Variants in ZCCHC7 observed in about 807,000 individuals in gnomAD.
The protein encoded by ZCCHC7 is zinc finger CCHC domain-containing protein 7.
ZCCHC7 carries 35 observed loss-of-function variants against 52.0 expected under a neutral mutation model. That is an observed-to-expected ratio of 0.67 (90% CI 0.51 to 0.89). The LOEUF (loss-of-function observed/expected upper bound fraction) is 0.89. Among genes scored for constraint, ZCCHC7 ranks in the 40% least tolerant of loss-of-function variants. The pLI is 0.00. For missense variants in ZCCHC7, 574 were observed against 649.1 expected, an observed-to-expected ratio of 0.88 and a Z score of 1.26; for synonymous variants, 217 against 221.5, an observed-to-expected ratio of 0.98 and a Z score of 0.18.
At position 37,354,755 on chromosome 9, in the gene ZCCHC7, T is replaced by C. The variant is rs966786851; in HGVS notation, c.1129T>C (p.Phe377Leu). The change falls in exon 8 of 9, where the codon TTC becomes CTC. Residue 377 changes from phenylalanine to leucine, a missense_variant. This residue lies in a region of ZCCHC7 where 403 missense variants were observed against 461.2 expected (regional missense o/e 0.87). Transcript: ENST00000336755. This position sits in a 1 kb window ranked among gnomAD's most constrained non-coding sequence, Gnocchi z 4.0. Reference protein sequence around the residue: ...EVYDPSPVSPFICYYDDKYEI... With the variant: ...EVYDPSPVSPLICYYDDKYEI... Reference sequence around the variant, plus strand: ...GTATGACCCGTCTCCAGTATCTCCATTCATCTGCTACTATGATGACAAATA... The same window carrying C: ...GTATGACCCGTCTCCAGTATCTCCACTCATCTGCTACTATGATGACAAATA... 8 of 1,613,554 alleles carry C rather than the reference T, an allele frequency of 5.0e-6. No homozygotes were observed. The highest frequency in any genetic ancestry group is 6.8e-6 in the Non-Finnish European group (8 of 1,179,560).
chr9:37,322,951 A>G (rs1302277725), intron 5 of ZCCHC7, among the ~76,000 whole-genome samples: 2 of 152,138 alleles, frequency 1.3e-5, no homozygotes, highest in African/African-American at 4.8e-5. Flanking sequence ...TTGTCATAAC[A>G]ATAGTTAATA....
At chr9:37,130,350 T>TTTC (rs1842726549) in intron 2 of ZCCHC7, among the ~76,000 whole-genome samples, 1 of 138,198 alleles carries the variant, frequency 7.2e-6, no homozygotes, top group African/African-American at 2.7e-5. Context: ...TTTTTTTTTT[T>TTTC]TTTTTTTTTT....
chr9:37,160,719 G>C (rs1384777422), intron 2 of ZCCHC7, among the ~76,000 whole-genome samples: 1 of 151,774 alleles, frequency 6.6e-6, no homozygotes. Context: ...AACCCCGTCT[G>C]TACTCAAAAT....
chr9:37,292,180 A>T (rs1427828644), intron 2 of ZCCHC7, among the ~76,000 whole-genome samples: 1 of 152,218 alleles, frequency 6.6e-6, no homozygotes, highest in Non-Finnish European at 1.5e-5. Flanking sequence ...AATGTCTTAT[A>T]AAATTATTTT....
chr9:37,346,218 G>A (rs1377403505), intron 6 of ZCCHC7, among the ~76,000 whole-genome samples: 1 of 152,032 alleles, frequency 6.6e-6, no homozygotes, highest in South Asian at 2.1e-4. Flanking sequence ...GGTCAGGATG[G>A]TCTCAAACTC....
At chr9:37,209,241 C>T (rs1824082624) in intron 2 of ZCCHC7, among the ~76,000 whole-genome samples, 1 of 152,002 alleles carries the variant, frequency 6.6e-6, no homozygotes. Context: ...GGGGTTTCAC[C>T]GTGTTAGCCA....
At chr9:37,186,709 C>T in intron 2 of ZCCHC7, 1 of 579,336 alleles carries the variant, frequency 1.7e-6, no homozygotes, top group Non-Finnish European at 3.2e-6. Context: ...TTTTTCCTTG[C>T]AGGCCAAGAA....
chr9:37,196,529 T>G (rs944202146), intron 2 of ZCCHC7, among the ~76,000 whole-genome samples: 3 of 152,194 alleles, frequency 2.0e-5, no homozygotes, highest in African/African-American at 7.2e-5. Flanking sequence ...TGGGACTTAT[T>G]ATAGTAGAAC....
At chr9:37,149,745 G>A (rs1285784263) in intron 2 of ZCCHC7, among the ~76,000 whole-genome samples, 1 of 152,070 alleles carries the variant, frequency 6.6e-6, no homozygotes, top group East Asian at 1.9e-4. Flanking sequence ...TCATGTGTCA[G>A]CTTGCCTTTA....
At chr9:37,304,356 A>G in intron 4 of ZCCHC7, 43 bp downstream of exon 4, 1 of 1,602,976 alleles carries the variant, frequency 6.2e-7, no homozygotes, top group South Asian at 1.1e-5. Flanking sequence ...TTGTAAACTC[A>G]AAATCTCAAG....
chr9:37,133,738 G>A (rs1336541754), intron 2 of ZCCHC7, among the ~76,000 whole-genome samples: 1 of 152,100 alleles, frequency 6.6e-6, no homozygotes, highest in Non-Finnish European at 1.5e-5. Flanking sequence ...ACAGGCACGA[G>A]CCACCACGCC....
intron 2 of ZCCHC7, among the ~76,000 whole-genome samples, chr9:37,187,370 G>T (rs963252239): frequency 4.6e-5 from 7 of 152,200 alleles, no homozygotes; most frequent in Non-Finnish European, 7.3e-5. Flanking sequence ...CCTCGCATGT[G>T]CAGTTCACAA....
intron 2 of ZCCHC7, among the ~76,000 whole-genome samples, chr9:37,157,322 C>T (rs1263608355): frequency 6.6e-6 from 1 of 151,684 alleles, no homozygotes; most frequent in Non-Finnish European, 1.5e-5. Context: ...CGTAATGAGA[C>T]CCTGTCTCTA....
At chr9:37,273,197 A>G (rs1827510801) in intron 2 of ZCCHC7, among the ~76,000 whole-genome samples, 1 of 152,168 alleles carries the variant, frequency 6.6e-6, no homozygotes, top group African/African-American at 2.4e-5. Context: ...TATTTACTAC[A>G]TGGCCCTTTA....
At chr9:37,330,181 G>A (rs1414963440) in intron 6 of ZCCHC7, among the ~76,000 whole-genome samples, 2 of 151,714 alleles carry the variant, frequency 1.3e-5, no homozygotes, top group Admixed American at 1.3e-4. Flanking sequence ...TAAGAAAGGT[G>A]GTGTAGTTGA....
intron 2 of ZCCHC7, among the ~76,000 whole-genome samples, chr9:37,157,667 A>G (rs756384476): frequency 6.6e-6 from 1 of 152,256 alleles, no homozygotes; most frequent in Admixed American, 6.5e-5. Context: ...AAGGCATACA[A>G]ATAACTAACA....
chr9:37,343,647 C>G (rs1467967330), intron 6 of ZCCHC7, among the ~76,000 whole-genome samples: 3 of 152,164 alleles, frequency 2.0e-5, no homozygotes, highest in Non-Finnish European at 4.4e-5. Context: ...CAATTAGTAG[C>G]AGAGATTTTC....
chr9:37,149,268 A>T (rs1461892214), intron 2 of ZCCHC7, among the ~76,000 whole-genome samples: 1 of 152,192 alleles, frequency 6.6e-6, no homozygotes, highest in Non-Finnish European at 1.5e-5. Flanking sequence ...GTACTCTTTA[A>T]TTTATAGTTC....
intron 2 of ZCCHC7, among the ~76,000 whole-genome samples, chr9:37,180,941 T>C (rs1247080016): frequency 6.6e-6 from 1 of 152,184 alleles, no homozygotes; most frequent in Non-Finnish European, 1.5e-5. Context: ...TATTTGGAGA[T>C]TGTTTTCCAA....
Sources: gnomAD v4.1 joint callset for allele counts (sites outside exome capture counted in the v4.1 genomes callset) on GRCh38, gnomAD v4.1.1 for gene constraint, gnomAD v4.1.1 regional missense constraint, Gnocchi (gnomAD v3.1) non-coding constraint, MANE v1.5 for transcripts, NCBI Gene and HGNC (gene_info 2026-07-23, HGNC 2026-07-21) for gene names.